Variants in MEF2A observed in about 807,000 individuals in gnomAD.
MEF2A encodes the protein myocyte-specific enhancer factor 2A.
Under a neutral mutation model 55.8 loss-of-function variants are expected in MEF2A, and 28 were observed. The observed-to-expected ratio is 0.50, with a 90% CI of 0.37 to 0.69. MEF2A has a LOEUF of 0.69. MEF2A is among the 30% of genes least tolerant of loss of function. MEF2A has a pLI of 0.00. For synonymous variants in MEF2A, 239 were observed against 227.1 expected, an observed-to-expected ratio of 1.05 and a Z score of -0.47; for missense variants, 528 against 626.2, an observed-to-expected ratio of 0.84 and a Z score of 1.67.
At chr15:99,622,411 T>C (rs2041334682) in intron 2 of MEF2A, among the ~76,000 whole-genome samples, 1 of 152,210 alleles carries the variant, frequency 6.6e-6, no homozygotes, top group Non-Finnish European at 1.5e-5. Flanking sequence ...CTCCTTTAGC[T>C]TTACCATATT....
chr15:99,712,174 C>T lies in MEF2A; in HGVS notation c.1137-216C>T, dbSNP rs1441087552. Among the ~76,000 whole-genome samples the T allele has an allele frequency of 3.3e-5, 5 of 152,162 alleles. No individual in the cohort carries two copies. Among genetic ancestry groups the T allele is most frequent in the South Asian group, 2.1e-4 (1 of 4,820 alleles). ...CGTTGTGGGTAACAGAACCAAGTAA[C>T]GTAAGGGCTCAACGGTACTGTTTTC... On this transcript the variant is annotated intron_variant, in intron 11 of 11. Transcript: ENST00000557942. This position sits in a 1 kb window ranked among gnomAD's most constrained non-coding sequence, Gnocchi z 4.1.
chr15:99,572,013 GTTTTTT>G (rs36027608), intron 1 of MEF2A, among the ~76,000 whole-genome samples: 1 of 128,374 alleles, frequency 7.8e-6, no homozygotes, highest in Non-Finnish European at 1.7e-5. Context: ...CTCCATAGAA[GTTTTTT>G]TTTTTTTTTT....
intron 7 of MEF2A, 49 bp from the exon 8 acceptor site, chr15:99,690,192 G>A: frequency 1.9e-6 from 3 of 1,555,540 alleles, no homozygotes; most frequent in Admixed American, 1.8e-5. Context: ...TTGTGCCAAA[G>A]TATTTTAATA....
At chr15:99,669,802 T>TA (rs2050495087) in intron 4 of MEF2A, among the ~76,000 whole-genome samples, 1 of 152,132 alleles carries the variant, frequency 6.6e-6, no homozygotes, top group Non-Finnish European at 1.5e-5. Context: ...AAAAAAGGAG[T>TA]AAAATAAACA....
chr15:99,592,887 T>C (rs553132193), intron 1 of MEF2A, among the ~76,000 whole-genome samples: 6 of 152,116 alleles, frequency 3.9e-5, no homozygotes, highest in Admixed American at 6.6e-5. Flanking sequence ...GGGACAGATA[T>C]CCAAATCATA....
At chr15:99,573,286 C>CAAA (rs66573508) in intron 1 of MEF2A, among the ~76,000 whole-genome samples, 32 of 86,540 alleles carry the variant, frequency 3.7e-4, no homozygotes, top group African/African-American at 5.8e-4. Context: ...GACTCCGTCT[C>CAAA]AAAAAAAAAA....
At chr15:99,633,560 A>G (rs1047287897) in intron 3 of MEF2A, among the ~76,000 whole-genome samples, 1 of 152,208 alleles carries the variant, frequency 6.6e-6, no homozygotes, top group Non-Finnish European at 1.5e-5. Context: ...TAAGTTAACT[A>G]TAATTATCAG....
chr15:99,597,693 CAT>C (rs1971697237), intron 1 of MEF2A, among the ~76,000 whole-genome samples: 1 of 152,130 alleles, frequency 6.6e-6, no homozygotes, highest in Non-Finnish European at 1.5e-5. Flanking sequence ...AACCTACCGA[CAT>C]GTGATGTCTC....
At chr15:99,645,006 G>A (rs184376300) in intron 3 of MEF2A, among the ~76,000 whole-genome samples, 3 of 152,232 alleles carry the variant, frequency 2.0e-5, no homozygotes, top group East Asian at 1.9e-4. Context: ...TTTTGGGGGG[G>A]TCTCTGTTAG....
intron 6 of MEF2A, 141 bp downstream of exon 6, chr15:99,674,753 A>T (rs2033547): frequency 0.49 from 349,747 of 721,086 alleles, 87,851 homozygotes; most frequent in Middle Eastern, 0.58. Context: ...GCCTCATTTT[A>T]AAGTATTTTT....
At chr15:99,575,636 G>A (rs1356931111) in intron 1 of MEF2A, among the ~76,000 whole-genome samples, 1 of 152,120 alleles carries the variant, frequency 6.6e-6, no homozygotes, top group Non-Finnish European at 1.5e-5. Context: ...ATAATCTGTT[G>A]GAGACACTTG....
At chr15:99,659,583 A>G (rs2048307608) in intron 4 of MEF2A, among the ~76,000 whole-genome samples, 1 of 152,200 alleles carries the variant, frequency 6.6e-6, no homozygotes, top group Non-Finnish European at 1.5e-5. Flanking sequence ...CATTTAAGAA[A>G]TGAGCATAGC....
In MEF2A at chr15:99,675,492, A is replaced by G. The variant is rs1185514206; in HGVS notation, c.670+34A>G. 26 of 1,564,488 alleles carry G rather than the reference A, an allele frequency of 1.7e-5. No individual in the cohort carries two copies. The East Asian group carries it at 5.2e-4, about 31-fold the overall frequency. On this transcript the variant is annotated intron_variant, in intron 7 of 11. Coordinates refer to ENST00000557942, the MANE Select transcript of MEF2A (RefSeq NM_001319206.4). The stretch of plus-strand genomic sequence containing the variant: ...ATTCCTACTCTTCTGTTTTGTAGGT[A>G]TCTATCCTATATGAGATCAAAGGAA...
intron 3 of MEF2A, among the ~76,000 whole-genome samples, chr15:99,633,980 T>G (rs1033301170): frequency 6.6e-6 from 1 of 152,190 alleles, no homozygotes. Context: ...TCTGACACTT[T>G]TAGAAAAAGT....
intron 2 of MEF2A, among the ~76,000 whole-genome samples, chr15:99,603,543 T>TTGTGTGTGTGTGTGTGTGTGTGTG (rs1300288383): frequency 1.7e-3 from 211 of 126,482 alleles, no homozygotes; most frequent in African/African-American, 2.2e-3. Flanking sequence ...CTGGCTGATT[T>TTGTGTGTGTGTGTGTGTGTGTGTG]TGTGTGTGTG....
intron 7 of MEF2A, among the ~76,000 whole-genome samples, chr15:99,682,605 A>G (rs2053450655): frequency 6.6e-6 from 1 of 152,218 alleles, no homozygotes; most frequent in South Asian, 2.1e-4. Context: ...AGATTCTCTT[A>G]GCTTCAGCCT....
chr15:99,623,317 C>G (rs747580290), intron 2 of MEF2A, among the ~76,000 whole-genome samples: 1 of 152,176 alleles, frequency 6.6e-6, no homozygotes, highest in Non-Finnish European at 1.5e-5. Flanking sequence ...GGTGGACATT[C>G]AGGTTGCTTC....
chr15:99,700,203 C>CACACACACAA (rs2057210330), intron 8 of MEF2A, among the ~76,000 whole-genome samples: 1 of 137,604 alleles, frequency 7.3e-6, no homozygotes, highest in Non-Finnish European at 1.6e-5. Flanking sequence ...CACACACACA[C>CACACACACAA]ACACACACAC....
intron 2 of MEF2A, among the ~76,000 whole-genome samples, chr15:99,624,909 C>T (rs1357308672): frequency 6.6e-6 from 1 of 152,112 alleles, no homozygotes; most frequent in Non-Finnish European, 1.5e-5. Flanking sequence ...TAAGTTCAGA[C>T]GATACCCAAC....
Sources: allele counts gnomAD v4.1 joint callset (sites outside exome capture counted in the v4.1 genomes callset), GRCh38; gene constraint gnomAD v4.1.1; non-coding constraint Gnocchi (gnomAD v3.1); transcripts MANE v1.5; gene names NCBI Gene and HGNC (gene_info 2026-07-23, HGNC 2026-07-21).